WWOX: variants seen among roughly 807,000 people sequenced by gnomAD.
The protein encoded by WWOX is WW domain-containing oxidoreductase.
In WWOX, 69 loss-of-function variants were observed where a neutral mutation model predicts 46.2. The ratio of observed to expected loss-of-function variants is 1.49; its 90% CI spans 1.23 to 1.82. The LOEUF is 1.82. Among genes scored for constraint, WWOX ranks in the 40% most tolerant of loss-of-function variants. WWOX has a pLI of 0.00. For synonymous variants in WWOX, 359 were observed against 202.6 expected, an observed-to-expected ratio of 1.77 and a Z score of -6.56; for missense variants, 919 against 542.6, an observed-to-expected ratio of 1.69 and a Z score of -6.89.
chr16:78,335,819 T>C (rs2080876450), intron 5 of WWOX, among the ~76,000 whole-genome samples: 1 of 152,156 alleles, frequency 6.6e-6, no homozygotes, highest in Admixed American at 6.5e-5. Flanking sequence ...TAGCTGAGCA[T>C]GATGACTCAC....
At chr16:78,710,769 C>T (rs956315646) in intron 8 of WWOX, among the ~76,000 whole-genome samples, 12 of 150,966 alleles carry the variant, frequency 7.9e-5, no homozygotes, top group East Asian at 5.9e-4. Flanking sequence ...TTCATGCTAC[C>T]GTGCCCAGCT....
intron 8 of WWOX, among the ~76,000 whole-genome samples, chr16:78,949,112 G>T (rs1239425447): frequency 6.6e-6 from 1 of 152,142 alleles, no homozygotes; most frequent in Non-Finnish European, 1.5e-5. Context: ...CCTCAGTTCT[G>T]CAACTGCATG....
chr16:78,162,894 T>A (rs74251672), intron 4 of WWOX, among the ~76,000 whole-genome samples: 8,001 of 152,276 alleles, frequency 0.053, 343 homozygotes, highest in East Asian at 0.24. Context: ...TTAAACTATA[T>A]GCTGAATTCT....
intron 8 of WWOX, among the ~76,000 whole-genome samples, chr16:78,504,697 A>T (rs75460556): frequency 0.041 from 6,226 of 152,232 alleles, 160 homozygotes; most frequent in Non-Finnish European, 0.062. Flanking sequence ...TGGGAGAATT[A>T]ATTCCAGTTT....
At chr16:78,655,786 C>A (rs770820708) in intron 8 of WWOX, among the ~76,000 whole-genome samples, 2 of 152,154 alleles carry the variant, frequency 1.3e-5, no homozygotes, top group African/African-American at 4.8e-5. Flanking sequence ...TGAAAGTAAA[C>A]AAATCTGTGA....
At chr16:78,419,644 A>G (rs2082877600) in intron 6 of WWOX, among the ~76,000 whole-genome samples, 1 of 149,994 alleles carries the variant, frequency 6.7e-6, no homozygotes, top group Admixed American at 6.7e-5. Flanking sequence ...AAAAAAAAAA[A>G]AAAAAAGGGT....
chr16:78,373,154 C>T (rs929033576), intron 5 of WWOX, among the ~76,000 whole-genome samples: 3 of 152,040 alleles, frequency 2.0e-5, no homozygotes, highest in Admixed American at 2.0e-4. Context: ...GTGGAGCAGC[C>T]AGCACACAAT....
At chr16:78,161,785 G>A (rs999444803) in intron 4 of WWOX, among the ~76,000 whole-genome samples, 1 of 151,800 alleles carries the variant, frequency 6.6e-6, no homozygotes, top group African/African-American at 2.4e-5. Flanking sequence ...TTCTCCATTA[G>A]CTTTTTAAAT....
At chr16:78,503,586 T>C (rs2151478034) in intron 8 of WWOX, 1 of 152,358 alleles carries the variant, frequency 6.6e-6, no homozygotes, top group East Asian at 1.9e-4. Context: ...TTTGCATTTT[T>C]AAAACTGAAA....
chr16:78,325,671 C>T (rs906886360), intron 5 of WWOX, among the ~76,000 whole-genome samples: 130 of 152,304 alleles, frequency 8.5e-4, no homozygotes, highest in Non-Finnish European at 3.1e-4. Context: ...ATTTATTTCT[C>T]CTTCTTGGAG....
intron 1 of WWOX, among the ~76,000 whole-genome samples, chr16:78,101,708 A>C (rs943292895): frequency 6.6e-6 from 1 of 152,172 alleles, no homozygotes; most frequent in Non-Finnish European, 1.5e-5. Context: ...AATCTATGCA[A>C]GGATGTGAAC....
At chr16:79,179,535 A>T (rs1201289485) in intron 8 of WWOX, among the ~76,000 whole-genome samples, 1 of 152,226 alleles carries the variant, frequency 6.6e-6, no homozygotes, top group Non-Finnish European at 1.5e-5. Context: ...CCTTCAGCCT[A>T]GCTAAAATGA....
chr16:78,635,492 G>T (rs747134401), intron 8 of WWOX, among the ~76,000 whole-genome samples: 1 of 152,146 alleles, frequency 6.6e-6, no homozygotes, highest in Non-Finnish European at 1.5e-5. Context: ...GTGCACCTGG[G>T]TTCATATCCT....
chr16:78,419,034 C>G (rs1207493635), intron 6 of WWOX, among the ~76,000 whole-genome samples: 1 of 152,070 alleles, frequency 6.6e-6, no homozygotes, highest in African/African-American at 2.4e-5. Flanking sequence ...ATGAAATCAC[C>G]TTATCTGTAG....
At position 78,158,327 on chromosome 16, in the gene WWOX, C is replaced by G. The variant is rs564305216; in HGVS notation, c.410-5856C>G. 2.6e-5 allele frequency among the ~76,000 whole-genome samples: 4 copies of G among 152,262 alleles called. No homozygotes were observed. The East Asian group carries it at 7.7e-4, about 29-fold the overall frequency. ...TGGCTGAATTGCATAGCTGCCTTCTCTAGTAGAATTGACTACTTTGTTATT... is the reference window on the plus strand; with the variant it reads ...TGGCTGAATTGCATAGCTGCCTTCTGTAGTAGAATTGACTACTTTGTTATT... On this transcript the variant is annotated intron_variant, in intron 4 of 8. Coordinates refer to ENST00000566780, the MANE Select transcript of WWOX (RefSeq NM_016373.4).
intron 8 of WWOX, among the ~76,000 whole-genome samples, chr16:78,769,148 A>C (rs1039931296): frequency 6.6e-6 from 1 of 152,202 alleles, no homozygotes; most frequent in African/African-American, 2.4e-5. Flanking sequence ...TGGTGGAAGG[A>C]TGGAAAGGTT....
rs181706407 is a variant in WWOX, at chr16:78,301,548, G to A, written c.517-85312G>A. On this transcript the variant is annotated intron_variant, in intron 5 of 8. Coordinates refer to ENST00000566780, the MANE Select transcript of WWOX (RefSeq NM_016373.4). ...CTTTGGTGAAACATGGGAGAAGAGG[G>A]AGGAAAAATCTGTTAATTAGAATTG... Among the ~76,000 whole-genome samples, 220 of 152,326 alleles carry A rather than the reference G, an allele frequency of 1.4e-3. 1 individual carries two copies. Among genetic ancestry groups the A allele is most frequent in the African/African-American group, 5.0e-3 (208 of 41,574 alleles).
At chr16:78,380,252 C>T (rs2081925467) in intron 5 of WWOX, among the ~76,000 whole-genome samples, 1 of 152,108 alleles carries the variant, frequency 6.6e-6, no homozygotes, top group South Asian at 2.1e-4. Flanking sequence ...AGGACAGGTA[C>T]ATAGTGTGGA....
chr16:79,119,129 A>G (rs1218111301), intron 8 of WWOX, among the ~76,000 whole-genome samples: 4 of 152,280 alleles, frequency 2.6e-5, no homozygotes, highest in Non-Finnish European at 5.9e-5. Context: ...GTTTGTAGCA[A>G]TTTAAATGAT....
Sources: allele counts gnomAD v4.1 joint callset (sites outside exome capture counted in the v4.1 genomes callset), GRCh38; gene constraint gnomAD v4.1.1; transcripts MANE v1.5; gene names NCBI Gene and HGNC (gene_info 2026-07-23, HGNC 2026-07-21).